Variants in TUSC3 observed in about 807,000 individuals in gnomAD.
TUSC3 encodes the protein tumor suppressor candidate 3.
Under a neutral mutation model 44.8 loss-of-function variants are expected in TUSC3, and 45 were observed. The observed-to-expected ratio is 1.00, with a 90% CI of 0.79 to 1.29. The LOEUF is 1.29. Among genes scored for constraint, TUSC3 ranks in the 50% most tolerant of loss-of-function variants. The pLI, the probability that TUSC3 is intolerant of heterozygous loss-of-function variation, is 0.00. For synonymous variants in TUSC3, 212 were observed against 152.9 expected (o/e 1.39, Z -2.85); for missense variants, 519 against 437.9 (o/e 1.19, Z -1.65).
intron 3 of TUSC3, among the ~76,000 whole-genome samples, chr8:15,651,238 A>G (rs1188506656): frequency 6.6e-6 from 1 of 152,168 alleles, no homozygotes; most frequent in Non-Finnish European, 1.5e-5. Flanking sequence ...GCATTTAATT[A>G]TAGGTGGTAG....
intron 1 of TUSC3, among the ~76,000 whole-genome samples, chr8:15,426,905 A>G (rs1563248078): frequency 1.3e-5 from 2 of 152,218 alleles, no homozygotes; most frequent in Admixed American, 6.5e-5. Context: ...ACTATTAGCC[A>G]TCCTAACAGG....
chr8:15,429,780 A>G (rs1286041145), intron 1 of TUSC3, among the ~76,000 whole-genome samples: 2 of 151,714 alleles, frequency 1.3e-5, no homozygotes, highest in African/African-American at 2.4e-5. Flanking sequence ...TAGATGCAAT[A>G]AAAAATGACA....
intron 10 of TUSC3, among the ~76,000 whole-genome samples, chr8:15,762,930 C>A (rs917666875): frequency 2.0e-5 from 3 of 151,958 alleles, no homozygotes; most frequent in Non-Finnish European, 4.4e-5. Context: ...TCACCCTTAT[C>A]GTACGCTTTA....
chr8:15,748,023 T>G (rs1811496013), intron 8 of TUSC3, among the ~76,000 whole-genome samples: 1 of 152,122 alleles, frequency 6.6e-6, no homozygotes, highest in Non-Finnish European at 1.5e-5. Flanking sequence ...TAATCTTGTT[T>G]GTGGTTTATA....
intron 5 of TUSC3, among the ~76,000 whole-genome samples, chr8:15,664,229 T>C (rs1012868877): frequency 1.3e-5 from 2 of 151,744 alleles, no homozygotes; most frequent in African/African-American, 4.8e-5. Context: ...TTTGATCTCA[T>C]TGATCTGATT....
chr8:15,833,413 G>C, the TUSC3 span, among the ~76,000 whole-genome samples: 1 of 152,118 alleles, frequency 6.6e-6, no homozygotes, highest in Non-Finnish European at 1.5e-5. Flanking sequence ...ACACACATAC[G>C]TTTATTCCAG....
At chr8:15,600,917 C>T (rs955469334) in intron 1 of TUSC3, among the ~76,000 whole-genome samples, 5 of 151,558 alleles carry the variant, frequency 3.3e-5, no homozygotes, top group African/African-American at 7.3e-5. Flanking sequence ...AATAATTGTA[C>T]ATATGGAGAG....
intron 1 of TUSC3, among the ~76,000 whole-genome samples, chr8:15,555,945 A>C: frequency 6.6e-6 from 1 of 151,688 alleles, no homozygotes; most frequent in Non-Finnish European, 1.5e-5. Flanking sequence ...CTGGATATAA[A>C]TGATCAAAAC....
intron 6 of TUSC3, among the ~76,000 whole-genome samples, chr8:15,686,832 G>C (rs1477310105): frequency 6.6e-6 from 1 of 152,114 alleles, no homozygotes; most frequent in African/African-American, 2.4e-5. Flanking sequence ...ACTTTAGGAG[G>C]CCGAGTTTGG....
intron 1 of TUSC3, among the ~76,000 whole-genome samples, chr8:15,616,728 T>A (rs778500697): frequency 6.6e-6 from 1 of 152,214 alleles, no homozygotes; most frequent in Non-Finnish European, 1.5e-5. Flanking sequence ...GGCTCTGACC[T>A]CGAGACTCCC....
chr8:15,788,171 A>G, the TUSC3 span, among the ~76,000 whole-genome samples: 1 of 152,168 alleles, frequency 6.6e-6, no homozygotes, highest in Non-Finnish European at 1.5e-5. Flanking sequence ...TACTTGAAAA[A>G]CATGTTTAGA....
the TUSC3 span, among the ~76,000 whole-genome samples, chr8:15,815,619 C>T: frequency 2.1e-4 from 32 of 152,174 alleles, no homozygotes; most frequent in African/African-American, 6.0e-4. Context: ...ATCTCTGCAG[C>T]GCAATCTTTA....
At chr8:15,595,235 T>C (rs1804016280) in intron 1 of TUSC3, among the ~76,000 whole-genome samples, 1 of 152,198 alleles carries the variant, frequency 6.6e-6, no homozygotes, top group Admixed American at 6.5e-5. Context: ...CCTCTGGTAA[T>C]TTCTTTACAC....
chr8:15,473,588 A>G (rs559909064), intron 1 of TUSC3, among the ~76,000 whole-genome samples: 10 of 152,192 alleles, frequency 6.6e-5, no homozygotes, highest in Non-Finnish European at 1.3e-4. Flanking sequence ...AAAGAGTACA[A>G]AGAGAGGAAT....
chr8:15,436,947 C>A (rs970507056), intron 1 of TUSC3, among the ~76,000 whole-genome samples: 2 of 152,108 alleles, frequency 1.3e-5, no homozygotes, highest in African/African-American at 4.8e-5. Flanking sequence ...TCCTATTAAG[C>A]AAATTAGAAT....
At chr8:15,435,803 T>A (rs913377231) in intron 1 of TUSC3, among the ~76,000 whole-genome samples, 2 of 152,188 alleles carry the variant, frequency 1.3e-5, no homozygotes, top group Non-Finnish European at 2.9e-5. Flanking sequence ...AATTTCCATA[T>A]AGAGTTTAAT....
chr8:15,801,608 G>T, the TUSC3 span, among the ~76,000 whole-genome samples: 5,146 of 152,188 alleles, frequency 0.034, 126 homozygotes, highest in East Asian at 0.12. Flanking sequence ...GGGTAAATTG[G>T]AGGCAGTATA....
intron 1 of TUSC3, among the ~76,000 whole-genome samples, chr8:15,476,228 C>T (rs557618794): frequency 1.3e-5 from 2 of 152,122 alleles, no homozygotes; most frequent in East Asian, 3.9e-4. Context: ...CAATGTGAAC[C>T]CTGAGTAGGA....
intron 1 of TUSC3, among the ~76,000 whole-genome samples, chr8:15,545,767 G>A (rs995067782): frequency 6.6e-6 from 1 of 151,492 alleles, no homozygotes; most frequent in South Asian, 2.1e-4. Flanking sequence ...TTAACCTTTT[G>A]CTGCATTTAC....
Sources: allele counts gnomAD v4.1 joint callset (sites outside exome capture counted in the v4.1 genomes callset), GRCh38; gene constraint gnomAD v4.1.1; transcripts MANE v1.5; gene names NCBI Gene and HGNC (gene_info 2026-07-23, HGNC 2026-07-21).